The following ZNF254 variants were observed in gnomAD, a reference collection of about 807,000 sequenced individuals.
The protein encoded by ZNF254 is CTD-2017D11.1.
ZNF254 carries 10 observed loss-of-function variants against 12.4 expected under a neutral mutation model. The observed-to-expected ratio is 0.80, with a 90% CI of 0.50 to 1.36. The LOEUF (loss-of-function observed/expected upper bound fraction) is 1.36. Ranked by LOEUF, ZNF254 falls within the 40% of genes most tolerant of loss-of-function variation. The probability of loss-of-function intolerance (pLI) is 0.00; values close to 1 mark genes in which losing one functional copy is unlikely to be tolerated. For missense variants in ZNF254, 996 were observed against 763.9 expected (o/e 1.30, Z -3.58); for synonymous variants, 305 against 253.4 (o/e 1.20, Z -1.93).
rs1256957447 is a variant in ZNF254 at position 24,049,210 on chromosome 19, A to ATTTT, written c.-94+2932_-94+2933insTTTT. Reference sequence around the variant, plus strand: ...TATATATATATATATATATATATATATATATTTTTTTTTTTTTTTTAATTT... The same window carrying ATTTT: ...TATATATATATATATATATATATATATTTTTATATTTTTTTTTTTTTTTTAATTT... On this transcript the variant is annotated intron_variant, in intron 2 of 4. Transcript: ENST00000613065. 3.1e-3 allele frequency among the ~76,000 whole-genome samples: 145 copies of ATTTT among 46,096 alleles called. 2 individuals carry two copies. Among genetic ancestry groups the ATTTT allele is most frequent in the African/African-American group, 0.014 (132 of 9,756 alleles). 30.2% of individuals were successfully genotyped at this position (46,096 alleles called of 152,430 possible).
At chr19:24,034,291 C>T (rs1229104174) in intron 1 of ZNF254, among the ~76,000 whole-genome samples, 1 of 152,004 alleles carries the variant, frequency 6.6e-6, no homozygotes, top group African/African-American at 2.4e-5. Context: ...ATGTCCCAGC[C>T]TGCTCACAAT....
At chr19:24,045,667 C>CAAA (rs35872820) in intron 1 of ZNF254, among the ~76,000 whole-genome samples, 19 of 88,774 alleles carry the variant, frequency 2.1e-4, no homozygotes, top group African/African-American at 6.4e-4. Context: ...GACTCTGTCT[C>CAAA]AAAAAAAAAA....
chr19:24,085,415 TATATATATATAAAA>T (rs1971993302), upstream of ZNF254, among the ~76,000 whole-genome samples: 1 of 126,978 alleles, frequency 7.9e-6, no homozygotes, highest in Non-Finnish European at 1.7e-5. Flanking sequence ...AGGGTATATA[TATATATATATAAAA>T]ACTAAGATTT....
intron 3 of ZNF254, among the ~76,000 whole-genome samples, chr19:24,112,320 C>T (rs1467073081): frequency 8.0e-5 from 11 of 136,912 alleles, no homozygotes; most frequent in South Asian, 2.4e-4. Context: ...TCTCTGTTTT[C>T]GTACCAGTAC....
chr19:24,127,613 T>A lies in ZNF254; in HGVS notation c.1613T>A (p.Ile538Lys), dbSNP rs878912838. ...NWSSTLTKHK[I>K]IHTEEKPYKC... ...TCCTCAACTCTTACTAAACATAAGA[T>A]AATTCATACTGAAGAGAAACCCTAC... Residue 538 changes from isoleucine (I) to lysine (K), a missense_variant, in exon 4 of 4, where the codon ATA (isoleucine) becomes AAA (lysine). Ile to Lys is a moderately radical substitution (Grantham distance 102). Coordinates refer to ENST00000357002, the MANE Select transcript of ZNF254 (RefSeq NM_203282.4). 2 of 1,606,126 alleles carry A rather than the reference T, an allele frequency of 1.2e-6. No individual in the cohort carries two copies. Among genetic ancestry groups the A allele is most frequent in the Admixed American group, 3.4e-5 (2 of 58,976 alleles).
At chr19:24,083,124 A>G (rs979940772), upstream of ZNF254, among the ~76,000 whole-genome samples, 4 of 152,202 alleles carry the variant, frequency 2.6e-5, no homozygotes, top group African/African-American at 9.6e-5. Context: ...GTTTTAGGAT[A>G]CAAAATTAAT....
chr19:24,098,988 CTTTTT>C (rs927108646), intron 1 of ZNF254: 3 of 74,772 alleles, frequency 4.0e-5, no homozygotes, highest in African/African-American at 1.3e-4. Flanking sequence ...AGGCTTCGCT[CTTTTT>C]TTTTTTTTTT....
chr19:24,074,973 C>T (rs1971607539), intron 2 of ZNF254, among the ~76,000 whole-genome samples: 1 of 152,244 alleles, frequency 6.6e-6, no homozygotes, highest in African/African-American at 2.4e-5. Context: ...GGCTTGGGCT[C>T]TGCCCAAAAT....
In ZNF254 at chr19:24,044,066, C is replaced by T. The variant is rs1022046454; in HGVS notation, c.-189-2118C>T. Among the ~76,000 whole-genome samples the T allele has an allele frequency of 2.6e-5, 4 of 151,484 alleles. No individual in the cohort carries two copies. The East Asian group carries it at 5.8e-4, about 22-fold the overall frequency. ...CCAGCCTGGCCAACATGGTGAAACC[C>T]CATCTCTACTGAAAATACAAAAACT... On this transcript the variant is annotated intron_variant, in intron 1 of 4. Transcript: ENST00000613065.
intron 3 of ZNF254, among the ~76,000 whole-genome samples, chr19:24,125,836 T>C (rs541337522): frequency 6.6e-6 from 1 of 152,242 alleles, no homozygotes; most frequent in East Asian, 1.9e-4. Context: ...CAGAAACCAG[T>C]GTCAGGAAAA....
chr19:24,108,224 C>T (rs1439584027), intron 3 of ZNF254, among the ~76,000 whole-genome samples: 1 of 152,150 alleles, frequency 6.6e-6, no homozygotes, highest in African/African-American at 2.4e-5. Context: ...TGCAGGCCTG[C>T]CAGCATGGCT....
intron 2 of ZNF254, among the ~76,000 whole-genome samples, chr19:24,055,128 G>A (rs1318857195): frequency 6.8e-6 from 1 of 147,478 alleles, no homozygotes; most frequent in African/African-American, 2.5e-5. Flanking sequence ...GCTTCAACCC[G>A]GGAGGTGGAG....
chr19:24,057,032 ATCTC>A (rs1292122664), intron 2 of ZNF254, among the ~76,000 whole-genome samples: 1 of 152,194 alleles, frequency 6.6e-6, no homozygotes, highest in Non-Finnish European at 1.5e-5. Context: ...GAGACATACT[ATCTC>A]TCATATGTGG....
chr19:24,043,332 G>C (rs1970249393), intron 1 of ZNF254, among the ~76,000 whole-genome samples: 1 of 152,010 alleles, frequency 6.6e-6, no homozygotes, highest in South Asian at 2.1e-4. Flanking sequence ...CACGATCTGA[G>C]CTCACTGCAA....
intron 3 of ZNF254, among the ~76,000 whole-genome samples, chr19:24,113,666 T>C (rs1973849069): frequency 6.6e-6 from 1 of 152,138 alleles, no homozygotes; most frequent in African/African-American, 2.4e-5. Flanking sequence ...TTCAACATAG[T>C]GTTGGATGTT....
At chr19:24,078,444 A>G (rs1196296262) in intron 2 of ZNF254, 1 of 152,222 alleles carries the variant, frequency 6.6e-6, no homozygotes, top group Non-Finnish European at 1.5e-5. Context: ...AATTCTTGGT[A>G]AATAACTTAG....
intron 1 of ZNF254, among the ~76,000 whole-genome samples, chr19:24,038,758 A>T (rs1970054343): frequency 6.6e-6 from 1 of 152,160 alleles, no homozygotes; most frequent in Admixed American, 6.5e-5. Flanking sequence ...CGTATTTGGG[A>T]TCTGCAATCA....
chr19:24,086,698 A>G (rs1972053420), upstream of ZNF254, among the ~76,000 whole-genome samples: 1 of 152,082 alleles, frequency 6.6e-6, no homozygotes, highest in Non-Finnish European at 1.5e-5. Flanking sequence ...GCTGGTCTCC[A>G]ACACATGACC....
At chr19:24,125,514 A>G (rs1309030341) in intron 3 of ZNF254, among the ~76,000 whole-genome samples, 1 of 152,128 alleles carries the variant, frequency 6.6e-6, no homozygotes, top group Non-Finnish European at 1.5e-5. Flanking sequence ...TTAGACATTA[A>G]AAAAAGCTAC....
Sources: allele counts gnomAD v4.1 joint callset (sites outside exome capture counted in the v4.1 genomes callset), GRCh38; gene constraint gnomAD v4.1.1; transcripts MANE v1.5; gene names NCBI Gene and HGNC (gene_info 2026-07-23, HGNC 2026-07-21).